Variants in PTPRD observed in about 807,000 individuals in gnomAD.
The protein encoded by PTPRD is protein tyrosine phosphatase receptor type D, also known as receptor-type tyrosine-protein phosphatase delta.
Under a neutral mutation model 214.5 loss-of-function variants are expected in PTPRD, and 34 were observed. The ratio of observed to expected loss-of-function variants is 0.16; its 90% CI spans 0.12 to 0.21. The LOEUF (loss-of-function observed/expected upper bound fraction) is 0.21. Among genes scored for constraint, PTPRD ranks in the 10% least tolerant of loss-of-function variants. PTPRD has a pLI of 1.00. For synonymous variants in PTPRD, 1,128 were observed against 845.7 expected, an observed-to-expected ratio of 1.33 and a Z score of -5.79; for missense variants, 2,545 against 2,398.7, an observed-to-expected ratio of 1.06 and a Z score of -1.27.
At chr9:8,718,758 G>C (rs2098462619) in intron 12 of PTPRD, among the ~76,000 whole-genome samples, 1 of 152,106 alleles carries the variant, frequency 6.6e-6, no homozygotes, top group South Asian at 2.1e-4. Context: ...GCTGACCATA[G>C]TTCGTTCTTA....
chr9:8,535,214 A>G (rs1419451611), intron 14 of PTPRD, among the ~76,000 whole-genome samples: 1 of 151,950 alleles, frequency 6.6e-6, no homozygotes, highest in African/African-American at 2.4e-5. Context: ...AGCTCCATCA[A>G]TAGATCTAAA....
At chr9:8,783,366 G>A (rs1258090006) in intron 11 of PTPRD, among the ~76,000 whole-genome samples, 1 of 152,156 alleles carries the variant, frequency 6.6e-6, no homozygotes, top group Non-Finnish European at 1.5e-5. Flanking sequence ...AGTAACTGGT[G>A]TTTCCTACTC....
intron 10 of PTPRD, among the ~76,000 whole-genome samples, chr9:9,074,942 C>A (rs911751562): frequency 8.0e-5 from 12 of 149,588 alleles, no homozygotes; most frequent in African/African-American, 2.9e-4. Flanking sequence ...CTATCATGTA[C>A]CTTATCACAG....
intron 3 of PTPRD, among the ~76,000 whole-genome samples, chr9:10,073,029 C>A (rs753409159): frequency 6.6e-6 from 1 of 151,962 alleles, no homozygotes; most frequent in South Asian, 2.1e-4. Context: ...TACAAAATAT[C>A]GATTAATACA....
At chr9:10,464,986 G>T (rs994521495) in intron 2 of PTPRD, among the ~76,000 whole-genome samples, 3 of 152,120 alleles carry the variant, frequency 2.0e-5, no homozygotes, top group Non-Finnish European at 4.4e-5. Flanking sequence ...ACAAGGCTAT[G>T]AATCACAACC....
At chr9:9,724,813 A>G (rs1035759593) in intron 7 of PTPRD, among the ~76,000 whole-genome samples, 7 of 152,096 alleles carry the variant, frequency 4.6e-5, no homozygotes, top group Non-Finnish European at 8.8e-5. Flanking sequence ...TAAATAACTC[A>G]CCCAAGTTCA....
At chr9:9,631,229 A>G (rs2095581991) in intron 7 of PTPRD, among the ~76,000 whole-genome samples, 1 of 150,718 alleles carries the variant, frequency 6.6e-6, no homozygotes, top group Admixed American at 6.6e-5. Context: ...AAATAAAAAG[A>G]AAAAGAAAAA....
chr9:8,813,457 AC>A (rs1271575316), intron 11 of PTPRD, among the ~76,000 whole-genome samples: 2 of 151,918 alleles, frequency 1.3e-5, no homozygotes, highest in Admixed American at 6.6e-5. Flanking sequence ...TACAGCCTTG[AC>A]CTCCTAGGCT....
intron 14 of PTPRD, among the ~76,000 whole-genome samples, chr9:8,616,033 G>T (rs1326366645): frequency 6.6e-6 from 1 of 151,996 alleles, no homozygotes; most frequent in African/African-American, 2.4e-5. Context: ...AATTTAAAAA[G>T]AAATTTATGA....
chr9:8,609,320 C>G (rs929115374), intron 14 of PTPRD, among the ~76,000 whole-genome samples: 7 of 152,178 alleles, frequency 4.6e-5, no homozygotes, highest in Non-Finnish European at 8.8e-5. Context: ...GGCAGCAGCA[C>G]AGAGCATAGG....
At chr9:8,612,851 T>C (rs894850537) in intron 14 of PTPRD, among the ~76,000 whole-genome samples, 5 of 152,186 alleles carry the variant, frequency 3.3e-5, no homozygotes, top group South Asian at 4.1e-4. Flanking sequence ...TTTTAAACAA[T>C]TGCCTCTAGA....
At chr9:8,851,882 T>A (rs1406902471) in intron 11 of PTPRD, among the ~76,000 whole-genome samples, 1 of 152,116 alleles carries the variant, frequency 6.6e-6, no homozygotes, top group African/African-American at 2.4e-5. Flanking sequence ...CTTTTCACTG[T>A]AGCCTAAAAA....
At chr9:8,920,181 C>A (rs749039004) in intron 11 of PTPRD, among the ~76,000 whole-genome samples, 1 of 151,876 alleles carries the variant, frequency 6.6e-6, no homozygotes, top group Non-Finnish European at 1.5e-5. Context: ...TCTCTACTAA[C>A]ATACCAAAAA....
intron 5 of PTPRD, among the ~76,000 whole-genome samples, chr9:9,845,773 T>C (rs564716489): frequency 4.1e-4 from 63 of 152,124 alleles, no homozygotes; most frequent in Non-Finnish European, 8.8e-4. Context: ...CAAGACAAAG[T>C]AAATCATAAT....
At chr9:9,937,171 C>A (rs1020422570) in intron 5 of PTPRD, among the ~76,000 whole-genome samples, 1 of 151,708 alleles carries the variant, frequency 6.6e-6, no homozygotes, top group Non-Finnish European at 1.5e-5. Flanking sequence ...CACATGTATA[C>A]ATATGTAACT....
chr9:9,800,715 T>A (rs138048235), intron 5 of PTPRD: 16 of 152,328 alleles, frequency 1.1e-4, no homozygotes, highest in African/African-American at 3.8e-4. Context: ...TTGAATGATA[T>A]GTCATTAATA....
chr9:8,666,451 A>C (rs1025388614), intron 12 of PTPRD, among the ~76,000 whole-genome samples: 2 of 152,242 alleles, frequency 1.3e-5, no homozygotes, highest in African/African-American at 4.8e-5. Context: ...TTTAAAAATG[A>C]AAGCCATAAT....
At chr9:8,364,850 G>T (rs2134055057) in intron 39 of PTPRD, among the ~76,000 whole-genome samples, 1 of 152,210 alleles carries the variant, frequency 6.6e-6, no homozygotes, top group East Asian at 1.9e-4. Flanking sequence ...TGAAGATCTG[G>T]GATGCTTAAT....
chr9:8,748,536 AAAAAG>A (rs1377505455), intron 11 of PTPRD, among the ~76,000 whole-genome samples: 2 of 117,656 alleles, frequency 1.7e-5, no homozygotes, highest in East Asian at 2.4e-4. Flanking sequence ...AAAAAAAAAA[AAAAAG>A]AAAAAGAAAA....
Sources: allele counts gnomAD v4.1 joint callset (sites outside exome capture counted in the v4.1 genomes callset), GRCh38; gene constraint gnomAD v4.1.1; transcripts MANE v1.5; gene names NCBI Gene and HGNC (gene_info 2026-07-23, HGNC 2026-07-21).